The following TSC2 variants were observed in gnomAD, a reference collection of about 807,000 sequenced individuals.
TSC2 encodes the protein TSC complex subunit 2, also known as tuberin.
TSC2 carries 29 observed loss-of-function variants against 202.2 expected under a neutral mutation model. The ratio of observed to expected loss-of-function variants is 0.14; its 90% confidence interval spans 0.11 to 0.20. The LOEUF (loss-of-function observed/expected upper bound fraction) is 0.20. TSC2 is among the 10% of genes least tolerant of loss of function. TSC2 has a pLI of 1.00. For synonymous variants in TSC2, 1,349 were observed against 1,044.0 expected (o/e 1.29, Z -5.63); for missense variants, 2,429 against 2,420.0 (o/e 1.00, Z -0.08).
chr16:2,087,751 C>A lies in TSC2; in HGVS notation c.4990-112C>A. 10 of 1,322,738 alleles carry A rather than the reference C, an allele frequency of 7.6e-6. No individual in the cohort carries two copies. In the South Asian group the frequency reaches 1.0e-4, roughly 13 times the overall value. The allele number at this position is 1,322,738 out of a possible 1,614,324, so 81.9% of individuals were successfully genotyped here. ...GCTGCCAGAGGGGAAAGTTCAGGGG[C>A]AGATGCTGCCCATGGAGCTGACAGG... On this transcript the variant is annotated intron_variant, in intron 38 of 41. Transcript: ENST00000219476.
At chr16:2,064,202 G>T (rs938490036) in intron 14 of TSC2, 70 bp from the exon 15 acceptor site, 77 of 1,611,676 alleles carry the variant, frequency 4.8e-5, no homozygotes, top group Non-Finnish European at 6.0e-5. Flanking sequence ...GGTTCCTGAG[G>T]AATTGGAAGT....
intron 10 of TSC2, among the ~76,000 whole-genome samples, chr16:2,059,863 G>T (rs923426368): frequency 2.6e-5 from 4 of 152,072 alleles, no homozygotes; most frequent in Non-Finnish European, 5.9e-5. Flanking sequence ...GTTTCACCAT[G>T]TTGGTCAGGC....
Position 2,086,428 on chromosome 16 carries a change from G to A in TSC2, c.4849+49G>A, listed in dbSNP as rs201683212. ...CCTGCTGCCCCAGGCCTCAGGGCAC[G>A]GCTCCCATCCAGTCCTGCTACCCCA... On this transcript the variant is annotated intron_variant, in intron 37 of 41. Coordinates refer to ENST00000219476, the MANE Select transcript of TSC2 (RefSeq NM_000548.5). 1.3e-5 allele frequency: 20 copies of A among 1,592,858 alleles called. No homozygotes were observed. The Admixed American group carries it at 1.4e-4, about 11-fold the overall frequency.
In TSC2 at chr16:2,057,298, C is replaced by G. The variant is rs924479144; in HGVS notation, c.848+120C>G. On this transcript the variant is annotated intron_variant, in intron 9 of 41. Coordinates refer to ENST00000219476, the MANE Select transcript of TSC2 (RefSeq NM_000548.5). Reference sequence around the variant, plus strand: ...GTCCTTGTCCTCTCGGGCAGCTGTTCCAGAGGCTGCCACTAGAGCGAGGCC... The same window carrying G: ...GTCCTTGTCCTCTCGGGCAGCTGTTGCAGAGGCTGCCACTAGAGCGAGGCC... 6.8e-6 allele frequency: 8 copies of G among 1,169,756 alleles called. No individual in the cohort carries two copies. The African/African-American group carries it at 7.6e-5, about 11-fold the overall frequency. The allele number at this position is 1,169,756 out of a possible 1,614,324, so 72.5% of individuals were successfully genotyped here.
At chr16:2,086,068 A>T in intron 36 of TSC2, 125 bp from the exon 37 acceptor site, 1 of 1,116,574 alleles carries the variant, frequency 9.0e-7, no homozygotes, top group African/African-American at 1.5e-5. Flanking sequence ...GCTGGAATGG[A>T]TGGTCTTGTC....
At chr16:2,081,284 G>T in intron 30 of TSC2, 1 of 438,450 alleles carries the variant, frequency 2.3e-6, no homozygotes, top group South Asian at 2.1e-5. Context: ...GCGCCTGGGT[G>T]TGCCGTGGCT....
At chr16:2,072,094 G>T (rs915229609) in intron 19 of TSC2, 147 bp from the exon 20 acceptor site, 2 of 1,515,646 alleles carry the variant, frequency 1.3e-6, no homozygotes, top group African/African-American at 2.7e-5. Flanking sequence ...AGGGACAGAG[G>T]CCTGCGCTGG....
At chr16:2,062,660 GC>G in intron 13 of TSC2, 60 bp downstream of exon 13, 1 of 1,521,146 alleles carries the variant, frequency 6.6e-7, no homozygotes, top group Non-Finnish European at 8.9e-7. Context: ...TCTGTCTGGG[GC>G]CCACCCGGGC....
chr16:2,052,637 T>G (rs541337253), intron 3 of TSC2, among the ~76,000 whole-genome samples: 1 of 152,198 alleles, frequency 6.6e-6, no homozygotes, highest in East Asian at 1.9e-4. Flanking sequence ...GTTCCCCTCC[T>G]TAGAGGAGTA....
Position 2,058,386 on chromosome 16 carries a change from C to T in TSC2, c.849-361C>T, listed in dbSNP as rs76274223. Among the ~76,000 whole-genome samples, 1,217 of 152,374 alleles carry T rather than the reference C, an allele frequency of 8.0e-3. 8 individuals carry two copies. The highest frequency in any genetic ancestry group is 0.054 in the Middle Eastern group (16 of 294). On this transcript the variant is annotated intron_variant, in intron 9 of 41. Coordinates refer to ENST00000219476, the MANE Select transcript of TSC2 (RefSeq NM_000548.5). Reference sequence around the variant, plus strand: ...CCTCCCTGAGTAGTTTTTGCTGTGGCTTTCCTTCTTGGCTGTGATTGGAGG... The same window carrying T: ...CCTCCCTGAGTAGTTTTTGCTGTGGTTTTCCTTCTTGGCTGTGATTGGAGG...
At chr16:2,076,443 C>A in intron 24 of TSC2, 48 bp from the exon 25 acceptor site, 1 of 1,609,300 alleles carries the variant, frequency 6.2e-7, no homozygotes. Flanking sequence ...TGAGGGCCTC[C>A]AGCCCCCATT....
chr16:2,089,462 G>A lies in TSC2; in HGVS notation c.*852G>A, dbSNP rs919309114. The A allele has an allele frequency of 3.6e-6, 2 of 548,304 alleles. No individual in the cohort carries two copies. The highest frequency in any genetic ancestry group is 3.3e-6 in the Non-Finnish European group (1 of 306,492). The allele number at this position is 548,304 out of a possible 1,614,324, so 34.0% of individuals were successfully genotyped here. A position where few individuals can be genotyped will look rare whatever the true frequency, so the allele number is the denominator to read the frequency against. On this transcript the variant is annotated 3_prime_UTR_variant, in exon 42 of 42. Transcript: ENST00000219476. ...AGCCCGCTGTACCTGAGGACTCGGGGAAATAAATTAGCATCTCAGAGGCTA... is the reference window on the plus strand; with the variant it reads ...AGCCCGCTGTACCTGAGGACTCGGGAAAATAAATTAGCATCTCAGAGGCTA...
At chr16:2,075,972 G>A (rs2089291450) in intron 23 of TSC2, 80 bp downstream of exon 23, 1 of 1,612,126 alleles carries the variant, frequency 6.2e-7, no homozygotes, top group Admixed American at 1.7e-5. Flanking sequence ...GGCAGCCTTT[G>A]TCCCCAAGGC....
chr16:2,057,183 G>T lies in TSC2; in HGVS notation c.848+5G>T, dbSNP rs1370989559. The T allele has an allele frequency of 1.9e-6, 3 of 1,551,704 alleles. No homozygotes were observed. The highest frequency in any genetic ancestry group is 2.6e-6 in the Non-Finnish European group (3 of 1,147,010). On this transcript the variant is annotated splice_donor_5th_base_variant and intron_variant, in intron 9 of 41. Coordinates refer to ENST00000219476, the MANE Select transcript of TSC2 (RefSeq NM_000548.5). ...GTGCCACCTCATGGAGGACAGGTGAGTGTGGTGGGTGGGGCGCAGGGCAGT... is the reference window on the plus strand; with the variant it reads ...GTGCCACCTCATGGAGGACAGGTGATTGTGGTGGGTGGGGCGCAGGGCAGT...
At position 2,077,722 on chromosome 16, in the gene TSC2, C is replaced by A; in HGVS notation, c.2962C>A (p.Arg988Ser). Residue 988 changes from arginine (R) to serine (S), a missense_variant, in exon 26 of 42, where the codon CGC becomes AGC. Coordinates refer to ENST00000219476, the MANE Select transcript of TSC2 (RefSeq NM_000548.5). ...RSISVSEHVV[R>S]SRIQTSLTSA... Reference sequence around the variant, plus strand: ...CATCAGTGTGTCTGAACATGTGGTCCGCAGGTAGCGGGACTGTCGGGTGGG... The same window carrying A: ...CATCAGTGTGTCTGAACATGTGGTCAGCAGGTAGCGGGACTGTCGGGTGGG... 1.2e-6 allele frequency: 2 copies of A among 1,612,626 alleles called. No homozygotes were observed. Among genetic ancestry groups the A allele is most frequent in the Non-Finnish European group, 1.7e-6 (2 of 1,180,012 alleles).
At position 2,065,651 on chromosome 16, in the gene TSC2, G is replaced by A. The variant is rs45517189; in HGVS notation, c.1716+16G>A. On this transcript the variant is annotated intron_variant, in intron 16 of 41. Coordinates refer to ENST00000219476, the MANE Select transcript of TSC2 (RefSeq NM_000548.5). The stretch of plus-strand genomic sequence containing the variant: ...CATCCTTCAGGTGGGTGTTCTGCAC[G>A]AGGCCTCTGCTCCCGGGGCGCGCAT... 1.3e-5 allele frequency: 21 copies of A among 1,608,616 alleles called. No homozygotes were observed. Among genetic ancestry groups the A allele is most frequent in the Admixed American group, 8.3e-5 (5 of 59,982 alleles).
chr16:2,075,759 G>A (rs758481229), intron 22 of TSC2, 40 bp from the exon 23 acceptor site: 26 of 1,604,784 alleles, frequency 1.6e-5, no homozygotes, highest in East Asian at 2.2e-5. Flanking sequence ...GGCGCTGCAC[G>A]GGACCCCGGC....
chr16:2,062,572 C>T lies in TSC2; in HGVS notation c.1333C>T (p.Leu445=). 1 of 1,611,158 alleles carries T rather than the reference C, an allele frequency of 6.2e-7. No individual in the cohort carries two copies. Among genetic ancestry groups the T allele is most frequent in the Non-Finnish European group, 8.5e-7 (1 of 1,178,584 alleles). The change falls in exon 13 of 42, where the codon CTG becomes TTG. Residue 445 remains leucine, a synonymous_variant. Coordinates refer to ENST00000219476, the MANE Select transcript of TSC2 (RefSeq NM_000548.5). ...HPAKDGWIQN[L]QALMERFFRS... ...GGCCAAGGACGGCTGGATTCAGAAC[C>T]TGCAGGCGCTGATGGAGAGATTCTT...
chr16:2,071,261 C>T (rs866937157), intron 17 of TSC2: 4 of 579,920 alleles, frequency 6.9e-6, no homozygotes, highest in Non-Finnish European at 9.4e-6. Flanking sequence ...CAGGCGGGCC[C>T]AGCTGTGGTG....
Sources: allele counts gnomAD v4.1 joint callset (sites outside exome capture counted in the v4.1 genomes callset), GRCh38; gene constraint gnomAD v4.1.1; transcripts MANE v1.5; gene names NCBI Gene and HGNC (gene_info 2026-07-23, HGNC 2026-07-21).